The following PCDH15 variants were observed in gnomAD, a reference collection of about 807,000 sequenced individuals.
PCDH15 encodes protocadherin related 15, also known as protocadherin-15.
Under a neutral mutation model 178.5 loss-of-function variants are expected in PCDH15, and 129 were observed. The observed-to-expected ratio is 0.72, with a 90% confidence interval of 0.63 to 0.84. The LOEUF (loss-of-function observed/expected upper bound fraction) is 0.84. Among genes scored for constraint, PCDH15 ranks in the 40% least tolerant of loss-of-function variants. The pLI is 0.00. For missense variants in PCDH15, 2,230 were observed against 2,099.9 expected, an observed-to-expected ratio of 1.06 and a Z score of -1.21; for synonymous variants, 800 against 732.0, an observed-to-expected ratio of 1.09 and a Z score of -1.50.
At chr10:55,618,625 A>T (rs956840872) in intron 2 of PCDH15, among the ~76,000 whole-genome samples, 7 of 152,056 alleles carry the variant, frequency 4.6e-5, no homozygotes, top group Non-Finnish European at 7.4e-5. Context: ...TGACATCAGC[A>T]TGTTACCTGA....
chr10:54,283,045 G>T (rs2058800048), intron 8 of PCDH15, among the ~76,000 whole-genome samples: 1 of 152,068 alleles, frequency 6.6e-6, no homozygotes, highest in Non-Finnish European at 1.5e-5. Flanking sequence ...AGAAAATTTA[G>T]ATATTACGAG....
At chr10:54,347,347 C>A (rs182224158) in intron 5 of PCDH15, among the ~76,000 whole-genome samples, 3 of 152,202 alleles carry the variant, frequency 2.0e-5, no homozygotes, top group African/African-American at 4.8e-5. Flanking sequence ...TAGCATTACA[C>A]ACGCCACATC....
At chr10:54,768,371 G>A (rs578148838) in intron 1 of PCDH15, among the ~76,000 whole-genome samples, 53 of 152,198 alleles carry the variant, frequency 3.5e-4, no homozygotes, top group African/African-American at 9.2e-4. Context: ...TCTGTTGTCC[G>A]TTGATTTACC....
At position 54,023,195 on chromosome 10, in the gene PCDH15, T is replaced by C. The variant is rs201332784; in HGVS notation, c.2223A>G (p.Ala741=). Residue 741 remains alanine, a splice_region_variant and synonymous_variant, in exon 19 of 38, where the codon GCA becomes GCG. Transcript: ENST00000644397. ...CATTTATTCCAGCATCAGGGTCTGT[T>C]GCCTATTAAATAAAACAAAAAAACA... ...EANAFVGQVK[A]TDPDAGINGQ... 3.5e-5 allele frequency: 56 copies of C among 1,613,112 alleles called. No individual in the cohort carries two copies. In the African/African-American group the frequency reaches 5.2e-4, roughly 15 times the overall value.
At chr10:54,980,361 T>A (rs1264605005) in intron 2 of PCDH15, among the ~76,000 whole-genome samples, 1 of 152,168 alleles carries the variant, frequency 6.6e-6, no homozygotes, top group Non-Finnish European at 1.5e-5. Flanking sequence ...AAATACTCTT[T>A]TTTTAATTAA....
intron 8 of PCDH15, among the ~76,000 whole-genome samples, chr10:54,238,194 A>G (rs1210633922): frequency 6.6e-6 from 1 of 152,162 alleles, no homozygotes; most frequent in African/African-American, 2.4e-5. Flanking sequence ...ACATTCTAAA[A>G]AATTACTGCA....
intron 1 of PCDH15, among the ~76,000 whole-genome samples, chr10:54,762,445 G>C (rs1948004287): frequency 1.3e-5 from 2 of 152,052 alleles, no homozygotes. Context: ...GTGTTCTTAT[G>C]AACATAAGAG....
chr10:54,784,697 A>C (rs1162781708), intron 1 of PCDH15, among the ~76,000 whole-genome samples: 1 of 149,662 alleles, frequency 6.7e-6, no homozygotes, highest in Non-Finnish European at 1.5e-5. Flanking sequence ...AATGTAATCC[A>C]AGGAAAATTG....
At chr10:54,422,027 A>T (rs1167386976) in intron 3 of PCDH15, among the ~76,000 whole-genome samples, 5 of 149,782 alleles carry the variant, frequency 3.3e-5, no homozygotes, top group Non-Finnish European at 7.4e-5. Flanking sequence ...AAAGTTGATT[A>T]TACCTGTGGC....
rs1210073896 is a variant in PCDH15, at chr10:54,513,302, C to G, written c.157+14510G>C. ...ATGAGACACAGTCTCACTCTGTCAC[C>G]TGGGCTGGAGTGCAGTGGTGCAATC... On this transcript the variant is annotated intron_variant, in intron 3 of 37. Transcript: ENST00000644397. 2.0e-5 allele frequency among the ~76,000 whole-genome samples: 3 copies of G among 150,582 alleles called. No homozygotes were observed. The East Asian group carries it at 5.9e-4, about 30-fold the overall frequency.
chr10:54,630,322 G>C (rs965151668), intron 2 of PCDH15, among the ~76,000 whole-genome samples: 2 of 152,074 alleles, frequency 1.3e-5, no homozygotes, highest in Non-Finnish European at 1.5e-5. Context: ...CAAACACATA[G>C]AACAATGAAA....
intron 2 of PCDH15, among the ~76,000 whole-genome samples, chr10:54,947,785 T>C (rs1448036794): frequency 1.3e-5 from 2 of 152,136 alleles, no homozygotes; most frequent in African/African-American, 4.8e-5. Context: ...TAAAATCCTG[T>C]CTTTATTCAT....
At chr10:55,072,669 A>G (rs1841781647) in intron 2 of PCDH15, among the ~76,000 whole-genome samples, 1 of 152,116 alleles carries the variant, frequency 6.6e-6, no homozygotes, top group South Asian at 2.1e-4. Flanking sequence ...TACCAGAGGT[A>G]CAAGGAGGAA....
intron 2 of PCDH15, among the ~76,000 whole-genome samples, chr10:54,910,283 T>C (rs983447929): frequency 6.6e-6 from 1 of 152,170 alleles, no homozygotes; most frequent in African/African-American, 2.4e-5. Flanking sequence ...CAATCTCCCC[T>C]GCACCAAGTG....
chr10:55,117,799 A>G (rs1837664141), intron 2 of PCDH15, among the ~76,000 whole-genome samples: 2 of 152,206 alleles, frequency 1.3e-5, no homozygotes, highest in Non-Finnish European at 2.9e-5. Context: ...ACAAGGTACC[A>G]TAAGTTGCTC....
intron 21 of PCDH15, chr10:53,995,130 A>G (rs1164097813): frequency 6.3e-6 from 1 of 157,844 alleles, no homozygotes; most frequent in Non-Finnish European, 1.4e-5. Context: ...TTTTAATTAA[A>G]ACCTTGCCTT....
At chr10:54,142,377 C>A (rs1185462450) in intron 14 of PCDH15, among the ~76,000 whole-genome samples, 1 of 151,856 alleles carries the variant, frequency 6.6e-6, no homozygotes. Context: ...TCTTCAGACA[C>A]AGGAGAAGGT....
intron 2 of PCDH15, among the ~76,000 whole-genome samples, chr10:55,579,819 TTTG>T (rs1842570607): frequency 1.3e-5 from 2 of 152,012 alleles, no homozygotes; most frequent in African/African-American, 2.4e-5. Flanking sequence ...GGTTTTTTTG[TTTG>T]TTATGTTTTT....
At chr10:54,418,680 T>G (rs1247264944) in intron 3 of PCDH15, among the ~76,000 whole-genome samples, 2 of 151,934 alleles carry the variant, frequency 1.3e-5, no homozygotes, top group African/African-American at 4.8e-5. Context: ...AGCTAATACA[T>G]ATATTATTTG....
Sources: allele counts gnomAD v4.1 joint callset (sites outside exome capture counted in the v4.1 genomes callset), GRCh38; gene constraint gnomAD v4.1.1; transcripts MANE v1.5; gene names NCBI Gene and HGNC (gene_info 2026-07-23, HGNC 2026-07-21).